Variants in FTCDNL1 observed in about 807,000 individuals in gnomAD.
The protein encoded by FTCDNL1 is formiminotransferase cyclodeaminase N-terminal like.
Under a neutral mutation model 5.9 loss-of-function variants are expected in FTCDNL1, and 11 were observed. The observed-to-expected ratio is 1.87, with a 90% CI of 1.18 to 3.10. FTCDNL1 has a LOEUF of 3.10. Among genes scored for constraint, FTCDNL1 ranks in the 30% most tolerant of loss-of-function variants. The pLI, the probability that FTCDNL1 is intolerant of heterozygous loss-of-function variation, is 0.00. For missense variants in FTCDNL1, 115 were observed against 65.5 expected (o/e 1.76, Z -2.61); for synonymous variants, 58 against 24.8 (o/e 2.34, Z -3.99).
At chr2:199,671,238 C>A in the FTCDNL1 span, among the ~76,000 whole-genome samples, 17,216 of 151,538 alleles carry the variant, frequency 0.11, 1,297 homozygotes, top group Middle Eastern at 0.24. Context: ...AAATAATGAC[C>A]ACACAACATG....
the FTCDNL1 span, among the ~76,000 whole-genome samples, chr2:199,704,501 T>C: frequency 1.3e-5 from 2 of 152,030 alleles, no homozygotes; most frequent in Non-Finnish European, 2.9e-5. Flanking sequence ...CCTTCCTACA[T>C]GCAAAATGCT....
intron 3 of FTCDNL1, among the ~76,000 whole-genome samples, chr2:199,761,920 T>G (rs375185614): frequency 6.2e-4 from 95 of 152,354 alleles, no homozygotes; most frequent in Middle Eastern, 6.8e-3. Context: ...TTGTTTACTA[T>G]CTCACATTAT....
chr2:199,773,690 G>A (rs1453152187), intron 3 of FTCDNL1, among the ~76,000 whole-genome samples: 1 of 152,156 alleles, frequency 6.6e-6, no homozygotes, highest in East Asian at 1.9e-4. Context: ...TAGATTGAGT[G>A]ATTCCCTTGA....
intron 3 of FTCDNL1, among the ~76,000 whole-genome samples, chr2:199,787,705 C>T (rs1424254270): frequency 2.0e-5 from 3 of 151,950 alleles, no homozygotes; most frequent in African/African-American, 7.3e-5. Context: ...GTGTCACAGA[C>T]GATGACATTA....
the FTCDNL1 span, among the ~76,000 whole-genome samples, chr2:199,720,278 T>C: frequency 2.6e-5 from 4 of 152,306 alleles, no homozygotes; most frequent in South Asian, 2.1e-4. Context: ...TATGACCCTA[T>C]TGAAGCTGTT....
the FTCDNL1 span, among the ~76,000 whole-genome samples, chr2:199,663,880 GT>G: frequency 6.6e-6 from 1 of 152,040 alleles, no homozygotes; most frequent in African/African-American, 2.4e-5. Context: ...ACCACAAAGT[GT>G]TCTTTAGAAT....
the FTCDNL1 span, among the ~76,000 whole-genome samples, chr2:199,682,021 G>T: frequency 6.6e-6 from 1 of 152,124 alleles, no homozygotes; most frequent in East Asian, 1.9e-4. Context: ...TCATTTTTTT[G>T]TTGTTGTTGG....
the FTCDNL1 span, among the ~76,000 whole-genome samples, chr2:199,710,094 T>G: frequency 3.9e-5 from 6 of 152,296 alleles, no homozygotes; most frequent in South Asian, 1.2e-3. Flanking sequence ...TTGCCCAAAG[T>G]GCATGTTCCT....
chr2:199,833,849 C>A (rs1239526093), intron 3 of FTCDNL1, among the ~76,000 whole-genome samples: 1 of 152,204 alleles, frequency 6.6e-6, no homozygotes, highest in Non-Finnish European at 1.5e-5. Flanking sequence ...CATATCCCCA[C>A]CTTTCAGATA....
chr2:199,767,149 T>C (rs2106268848), intron 3 of FTCDNL1, among the ~76,000 whole-genome samples: 1 of 152,300 alleles, frequency 6.6e-6, no homozygotes, highest in African/African-American at 2.4e-5. Context: ...AATTTCTAAG[T>C]AAAGTGCCAA....
the FTCDNL1 span, among the ~76,000 whole-genome samples, chr2:199,664,262 T>C: frequency 6.6e-6 from 1 of 152,216 alleles, no homozygotes; most frequent in Non-Finnish European, 1.5e-5. Flanking sequence ...CTTTTTCTTC[T>C]TAATTTTTAA....
the FTCDNL1 span, among the ~76,000 whole-genome samples, chr2:199,670,194 G>C: frequency 3.3e-5 from 5 of 152,144 alleles, no homozygotes; most frequent in Non-Finnish European, 7.3e-5. Context: ...TTGTGATAGA[G>C]AGAACTTTCT....
At chr2:199,843,923 AATCT>A (rs1418267152) in intron 3 of FTCDNL1, among the ~76,000 whole-genome samples, 2 of 151,244 alleles carry the variant, frequency 1.3e-5, no homozygotes, top group African/African-American at 4.9e-5. Context: ...CTCTAAAGAA[AATCT>A]TAGAGTTGTG....
At chr2:199,677,629 C>T in the FTCDNL1 span, among the ~76,000 whole-genome samples, 192 of 152,262 alleles carry the variant, frequency 1.3e-3, 4 homozygotes, top group Non-Finnish European at 1.3e-3. Flanking sequence ...GAAATAAGGA[C>T]ATGAGTAAGA....
At chr2:199,819,829 T>G in intron 3 of FTCDNL1, 72 bp from the exon 4 acceptor site, 1 of 650,684 alleles carries the variant, frequency 1.5e-6, no homozygotes, top group Non-Finnish European at 2.8e-6. Context: ...GCATATAATT[T>G]TTTTGCTGTG....
chr2:199,712,972 T>C, the FTCDNL1 span, among the ~76,000 whole-genome samples: 1 of 152,212 alleles, frequency 6.6e-6, no homozygotes. Flanking sequence ...TCAAAGTATC[T>C]TTTTTGGGGA....
the FTCDNL1 span, among the ~76,000 whole-genome samples, chr2:199,745,473 A>G: frequency 1.1e-3 from 163 of 152,326 alleles, no homozygotes; most frequent in African/African-American, 3.7e-3. Flanking sequence ...TAACATTGTC[A>G]TTAGTCCATT....
intron 3 of FTCDNL1, among the ~76,000 whole-genome samples, chr2:199,826,703 A>G (rs1702059325): frequency 6.6e-6 from 1 of 152,140 alleles, no homozygotes; most frequent in Admixed American, 6.5e-5. Context: ...CTGAGGCAGG[A>G]GAATCACTTG....
chr2:199,784,584 G>C (rs117400364), intron 3 of FTCDNL1, among the ~76,000 whole-genome samples: 1 of 152,160 alleles, frequency 6.6e-6, no homozygotes, highest in Non-Finnish European at 1.5e-5. Context: ...TTGGGCAGAG[G>C]GAGAACTTTC....
Sources: gnomAD v4.1 joint callset for allele counts (sites outside exome capture counted in the v4.1 genomes callset) on GRCh38, gnomAD v4.1.1 for gene constraint, MANE v1.5 for transcripts, NCBI Gene and HGNC (gene_info 2026-07-23, HGNC 2026-07-21) for gene names.